NOX4: variants seen among roughly 807,000 people sequenced by gnomAD.
NOX4 encodes NADPH oxidase 4.
Under a neutral mutation model 87.6 loss-of-function variants are expected in NOX4, and 69 were observed. The observed-to-expected ratio is 0.79, with a 90% CI of 0.65 to 0.96. The LOEUF (loss-of-function observed/expected upper bound fraction) is 0.96. NOX4 is among the 40% of genes least tolerant of loss of function. NOX4 has a pLI of 0.00. For missense variants in NOX4, 680 were observed against 681.5 expected (o/e 1.00, Z 0.02); for synonymous variants, 275 against 238.2 (o/e 1.15, Z -1.42).
the NOX4 span, among the ~76,000 whole-genome samples, chr11:89,586,710 G>A: frequency 6.6e-6 from 1 of 152,268 alleles, no homozygotes; most frequent in African/African-American, 2.4e-5. Flanking sequence ...GCAAATAGGA[G>A]AGAATGAACT....
At chr11:89,451,069 G>T (rs552366614) in intron 3 of NOX4, among the ~76,000 whole-genome samples, 2 of 127,430 alleles carry the variant, frequency 1.6e-5, no homozygotes, top group Non-Finnish European at 3.3e-5. Context: ...GTTGTGGGGT[G>T]GGGGGAGGGG....
At chr11:89,379,696 G>A (rs938535415) in intron 11 of NOX4, among the ~76,000 whole-genome samples, 1 of 152,050 alleles carries the variant, frequency 6.6e-6, no homozygotes, top group African/African-American at 2.4e-5. Context: ...CAGTTGCTCG[G>A]ACCAAAAACT....
chr11:89,391,926 T>C (rs964901292), intron 11 of NOX4, among the ~76,000 whole-genome samples: 3 of 142,774 alleles, frequency 2.1e-5, no homozygotes, highest in South Asian at 2.2e-4. Flanking sequence ...CCTTTTCCCT[T>C]CCCCTTCCCC....
chr11:89,450,581 T>C (rs1320853797), intron 3 of NOX4, among the ~76,000 whole-genome samples: 1 of 152,036 alleles, frequency 6.6e-6, no homozygotes, highest in Non-Finnish European at 1.5e-5. Flanking sequence ...TTATTATTAT[T>C]ATTATTATAC....
chr11:89,438,495 T>G (rs569280886), intron 6 of NOX4, among the ~76,000 whole-genome samples: 1 of 80,058 alleles, frequency 1.2e-5, no homozygotes, highest in Non-Finnish European at 2.0e-5. Flanking sequence ...CTATATAATA[T>G]ACAGCATATA....
chr11:89,548,001 A>G, the NOX4 span: 1 of 152,048 alleles, frequency 6.6e-6, no homozygotes, highest in Admixed American at 6.6e-5. Context: ...CTAAAAAGAA[A>G]AAAGAAAAAC....
intron 5 of NOX4, 27 bp downstream of exon 5, chr11:89,444,108 A>G (rs1333894404): frequency 6.3e-7 from 1 of 1,598,866 alleles, no homozygotes; most frequent in Non-Finnish European, 8.6e-7. Flanking sequence ...CAAGTGAAAG[A>G]AAAATGGGAA....
chr11:89,367,662 C>T (rs1156924040), intron 12 of NOX4, among the ~76,000 whole-genome samples: 1 of 152,022 alleles, frequency 6.6e-6, no homozygotes, highest in Non-Finnish European at 1.5e-5. Flanking sequence ...CCAGCCTAGT[C>T]TTCTTCCTTT....
intron 2 of NOX4, among the ~76,000 whole-genome samples, chr11:89,470,784 T>C (rs1260896864): frequency 2.0e-5 from 3 of 152,154 alleles, no homozygotes; most frequent in African/African-American, 7.2e-5. Flanking sequence ...GATGATACCA[T>C]TAGGCTACTT....
At chr11:89,373,277 C>CAAAAAATAAAA (rs1939583399) in intron 12 of NOX4, among the ~76,000 whole-genome samples, 155 bp downstream of exon 12, 1 of 59,100 alleles carries the variant, frequency 1.7e-5, no homozygotes, top group African/African-American at 5.2e-5. Context: ...ACTGTACAAG[C>CAAAAAATAAAA]AAAAAAAAAA....
intron 11 of NOX4, among the ~76,000 whole-genome samples, chr11:89,376,216 A>G (rs187320674): frequency 1.4e-3 from 215 of 152,338 alleles, no homozygotes; most frequent in Middle Eastern, 6.8e-3. Context: ...TACTTCTCCA[A>G]ACTAAGACAG....
At chr11:89,558,424 T>C in the NOX4 span, among the ~76,000 whole-genome samples, 1 of 151,976 alleles carries the variant, frequency 6.6e-6, no homozygotes, top group Non-Finnish European at 1.5e-5. Context: ...TTGGCCATGC[T>C]TGATAAGTCT....
rs781026875 is a variant in NOX4 at position 89,451,823 on chromosome 11, A to C, written c.226T>G (p.Cys76Gly). 5 of 1,613,322 alleles carry C rather than the reference A, an allele frequency of 3.1e-6. No individual in the cohort carries two copies. Among genetic ancestry groups the C allele is most frequent in the South Asian group, 2.2e-5 (2 of 91,082 alleles). The change falls in exon 3 of 18, where the codon TGC (cysteine) becomes GGC (glycine). Residue 76 changes from cysteine (C) to glycine (G), a missense_variant. By Grantham distance (159) the Cys-to-Gly change is radical. Coordinates refer to ENST00000263317, the MANE Select transcript of NOX4 (RefSeq NM_016931.5). ...CGGAGGTAAGCCAAGAGTGTTCGGCACATGGGTAAAAGGATAAGGCTGCAG... is the reference window on the plus strand; with the variant it reads ...CGGAGGTAAGCCAAGAGTGTTCGGCCCATGGGTAAAAGGATAAGGCTGCAG... The part of the protein sequence containing the change: ...LNCSLILLPM[C>G]RTLLAYLRGS...
chr11:89,345,912 C>T (rs907057637), intron 13 of NOX4, among the ~76,000 whole-genome samples: 1 of 152,124 alleles, frequency 6.6e-6, no homozygotes, highest in African/African-American at 2.4e-5. Context: ...ACTCTCACCA[C>T]TCTTATTCAA....
the NOX4 span, among the ~76,000 whole-genome samples, chr11:89,548,986 G>A: frequency 6.6e-6 from 1 of 152,150 alleles, no homozygotes; most frequent in African/African-American, 2.4e-5. Context: ...TGTGTTCCAT[G>A]TAAGCACCAT....
chr11:89,462,888 G>T (rs972895754), intron 2 of NOX4, among the ~76,000 whole-genome samples: 1 of 151,782 alleles, frequency 6.6e-6, no homozygotes, highest in Admixed American at 6.6e-5. Context: ...AAAGAAAGGA[G>T]AAACTCAAAA....
chr11:89,448,046 T>C (rs1944785683), intron 4 of NOX4, among the ~76,000 whole-genome samples: 1 of 152,212 alleles, frequency 6.6e-6, no homozygotes, highest in Non-Finnish European at 1.5e-5. Context: ...AAAACAGCTA[T>C]GTCATCAAAT....
chr11:89,534,311 C>G, the NOX4 span, among the ~76,000 whole-genome samples: 16 of 152,338 alleles, frequency 1.1e-4, no homozygotes, highest in Non-Finnish European at 8.8e-5. Flanking sequence ...AGAGATTTAT[C>G]CAGATGTTGT....
At chr11:89,420,888 C>A (rs529300581) in intron 8 of NOX4, among the ~76,000 whole-genome samples, 16 of 152,108 alleles carry the variant, frequency 1.1e-4, no homozygotes, top group Admixed American at 4.6e-4. Flanking sequence ...ACCTCACAGA[C>A]CTCAGCCTCC....
Sources: allele counts gnomAD v4.1 joint callset (sites outside exome capture counted in the v4.1 genomes callset), GRCh38; gene constraint gnomAD v4.1.1; transcripts MANE v1.5; gene names NCBI Gene and HGNC (gene_info 2026-07-23, HGNC 2026-07-21).